The following SORCS3 variants were observed in gnomAD, a reference collection of about 807,000 sequenced individuals.
The protein encoded by SORCS3 is VPS10 domain-containing receptor SorCS3.
A neutral mutation model predicts 146.3 loss-of-function variants in SORCS3; 57 were observed. The observed-to-expected ratio is 0.39, with a 90% CI of 0.31 to 0.49. SORCS3 has a LOEUF of 0.49. SORCS3 is among the 20% of genes least tolerant of loss of function. SORCS3 has a pLI of 0.92. For synonymous variants in SORCS3, 653 were observed against 618.5 expected, an observed-to-expected ratio of 1.06 and a Z score of -0.83; for missense variants, 1,341 against 1,575.5, an observed-to-expected ratio of 0.85 and a Z score of 2.52.
intron 5 of SORCS3, among the ~76,000 whole-genome samples, chr10:105,079,729 C>T (rs910602642): frequency 1.3e-5 from 2 of 152,164 alleles, no homozygotes; most frequent in African/African-American, 2.4e-5. Context: ...CTCCCACTCT[C>T]CACCCTCTGG....
chr10:104,824,129 G>A (rs2017908180), intron 1 of SORCS3, among the ~76,000 whole-genome samples: 1 of 152,140 alleles, frequency 6.6e-6, no homozygotes, highest in South Asian at 2.1e-4. Context: ...ACCCATTTTG[G>A]ACTTCTGGCC....
At chr10:105,115,858 A>AT (rs1395604467) in intron 7 of SORCS3, among the ~76,000 whole-genome samples, 3 of 152,172 alleles carry the variant, frequency 2.0e-5, no homozygotes, top group Admixed American at 1.3e-4. Flanking sequence ...AATGGGAGAG[A>AT]TTTTGAATGT....
At chr10:104,974,840 T>C (rs2054884968) in intron 3 of SORCS3, among the ~76,000 whole-genome samples, 1 of 152,192 alleles carries the variant, frequency 6.6e-6, no homozygotes, top group Non-Finnish European at 1.5e-5. Flanking sequence ...GTACCGGTTG[T>C]TCCTTTCCAT....
chr10:104,891,600 C>T (rs1239363514), intron 2 of SORCS3, among the ~76,000 whole-genome samples: 1 of 152,130 alleles, frequency 6.6e-6, no homozygotes, highest in African/African-American at 2.4e-5. Context: ...GCTTCTCCTT[C>T]ATTGTCTTGG....
Position 105,160,549 on chromosome 10 carries a change from C to T in SORCS3, c.1732+1555C>T, listed in dbSNP as rs568073892. On this transcript the variant is annotated intron_variant, in intron 11 of 26. Coordinates refer to ENST00000369701, the MANE Select transcript of SORCS3 (RefSeq NM_014978.3). ...GGCTGAGGCAGTAGTATTGCTTGAA[C>T]CCAGGAGGCAGAGGTTGCAGTGAGC... Among the ~76,000 whole-genome samples, 9 of 152,256 alleles carry T rather than the reference C, an allele frequency of 5.9e-5. No individual in the cohort carries two copies. In the East Asian group the frequency reaches 1.5e-3, roughly 26 times the overall value.
At chr10:105,090,478 C>T (rs932681917) in intron 6 of SORCS3, among the ~76,000 whole-genome samples, 2 of 152,182 alleles carry the variant, frequency 1.3e-5, no homozygotes, top group African/African-American at 4.8e-5. Context: ...CATTTTGTAA[C>T]AATTTAAGCA....
intron 2 of SORCS3, among the ~76,000 whole-genome samples, chr10:104,883,653 C>T (rs1193098573): frequency 1.3e-5 from 2 of 152,104 alleles, no homozygotes; most frequent in Non-Finnish European, 2.9e-5. Context: ...TGAGGAATAT[C>T]TTATTTTTTA....
chr10:104,680,746 G>T (rs756209561), intron 1 of SORCS3, among the ~76,000 whole-genome samples: 6 of 152,254 alleles, frequency 3.9e-5, no homozygotes, highest in Non-Finnish European at 7.3e-5. Flanking sequence ...CGAGGCCTTG[G>T]CCCATGACTT....
At chr10:104,890,072 T>A (rs1049836156) in intron 2 of SORCS3, among the ~76,000 whole-genome samples, 50 of 152,168 alleles carry the variant, frequency 3.3e-4, no homozygotes, top group African/African-American at 1.2e-3. Flanking sequence ...ATTCCATATA[T>A]CTTTTTTTCT....
intron 1 of SORCS3, among the ~76,000 whole-genome samples, chr10:104,724,089 G>A (rs1181781574): frequency 6.6e-6 from 1 of 152,116 alleles, no homozygotes; most frequent in African/African-American, 2.4e-5. Flanking sequence ...TTTACAATTT[G>A]GCATGTTTTT....
At chr10:104,843,155 A>G (rs1306260129) in intron 2 of SORCS3, among the ~76,000 whole-genome samples, 1 of 152,290 alleles carries the variant, frequency 6.6e-6, no homozygotes, top group South Asian at 2.1e-4. Flanking sequence ...TCAGATAAAC[A>G]TGCACGAGTA....
intron 1 of SORCS3, among the ~76,000 whole-genome samples, chr10:104,759,598 C>T (rs1477820408): frequency 6.6e-6 from 1 of 152,036 alleles, no homozygotes; most frequent in Non-Finnish European, 1.5e-5. Context: ...TCTGGAATAC[C>T]CTCTGACTTT....
chr10:104,736,236 C>A (rs748588181), intron 1 of SORCS3, among the ~76,000 whole-genome samples: 10 of 152,174 alleles, frequency 6.6e-5, no homozygotes, highest in Non-Finnish European at 1.3e-4. Context: ...AGTTGTTTGC[C>A]CTCCGTGAGA....
At chr10:104,938,431 C>G (rs539234889) in intron 3 of SORCS3, among the ~76,000 whole-genome samples, 1 of 152,124 alleles carries the variant, frequency 6.6e-6, no homozygotes, top group Non-Finnish European at 1.5e-5. Flanking sequence ...AATGTACACC[C>G]AATATTTTTG....
At chr10:104,829,347 T>C (rs1230063412) in intron 1 of SORCS3, among the ~76,000 whole-genome samples, 2 of 152,132 alleles carry the variant, frequency 1.3e-5, no homozygotes, top group African/African-American at 4.8e-5. Flanking sequence ...TGAGAACAGC[T>C]GAGACATCAG....
intron 3 of SORCS3, among the ~76,000 whole-genome samples, chr10:104,919,868 C>T (rs2019069929): frequency 6.6e-6 from 1 of 152,114 alleles, no homozygotes; most frequent in African/African-American, 2.4e-5. Flanking sequence ...TTTCTCGTAA[C>T]CAGTATATTC....
At chr10:104,842,682 T>C (rs1423565283) in intron 1 of SORCS3, 110 bp from the exon 2 acceptor site, 1 of 804,312 alleles carries the variant, frequency 1.2e-6, no homozygotes, top group East Asian at 2.5e-5. Flanking sequence ...TACTAAGCCC[T>C]CCTCTGGGTG....
intron 1 of SORCS3, among the ~76,000 whole-genome samples, chr10:104,743,568 T>G (rs2016874773): frequency 6.6e-6 from 1 of 152,096 alleles, no homozygotes; most frequent in Admixed American, 6.5e-5. Context: ...TCTGCTAGGG[T>G]TCCTGGACCA....
chr10:105,006,645 A>G (rs2055097787), intron 4 of SORCS3, among the ~76,000 whole-genome samples: 1 of 152,084 alleles, frequency 6.6e-6, no homozygotes, highest in African/African-American at 2.4e-5. Flanking sequence ...CTCTGGCCTT[A>G]TCTCTCTGTG....
Sources: allele counts gnomAD v4.1 joint callset (sites outside exome capture counted in the v4.1 genomes callset), GRCh38; gene constraint gnomAD v4.1.1; transcripts MANE v1.5; gene names NCBI Gene and HGNC (gene_info 2026-07-23, HGNC 2026-07-21).